The following AHI1 variants were observed in gnomAD, a reference collection of about 807,000 sequenced individuals.
AHI1 encodes the protein Abelson helper integration site 1.
AHI1 carries 123 observed loss-of-function variants against 149.3 expected under a neutral mutation model. The observed-to-expected ratio is 0.82, with a 90% CI of 0.71 to 0.96. The LOEUF is 0.96. Among genes scored for constraint, AHI1 ranks in the 40% least tolerant of loss-of-function variants. AHI1 has a pLI of 0.00. For synonymous variants in AHI1, 475 were observed against 459.8 expected, an observed-to-expected ratio of 1.03 and a Z score of -0.42; for missense variants, 1,439 against 1,422.7, an observed-to-expected ratio of 1.01 and a Z score of -0.18.
At chr6:135,389,421 T>C (rs1362016021) in intron 23 of AHI1, among the ~76,000 whole-genome samples, 1 of 152,218 alleles carries the variant, frequency 6.6e-6, no homozygotes, top group Non-Finnish European at 1.5e-5. Flanking sequence ...AATAATTTTA[T>C]GATCTTGTTT....
intron 22 of AHI1, among the ~76,000 whole-genome samples, chr6:135,397,637 T>A (rs1779406755): frequency 2.6e-5 from 4 of 152,056 alleles, no homozygotes; most frequent in African/African-American, 9.7e-5. Context: ...GGGGGTTAAT[T>A]TTCATGTTAA....
chr6:135,306,806 T>A (rs1233806379), intron 26 of AHI1: 1 of 152,200 alleles, frequency 6.6e-6, no homozygotes, highest in Admixed American at 6.5e-5. Flanking sequence ...GGCATCATAT[T>A]GCTAAATAAT....
At chr6:135,417,629 T>C (rs1782567242) in intron 20 of AHI1, among the ~76,000 whole-genome samples, 1 of 151,930 alleles carries the variant, frequency 6.6e-6, no homozygotes, top group Non-Finnish European at 1.5e-5. Flanking sequence ...ATACAAACAA[T>C]TATGAACACT....
At chr6:135,335,907 G>A (rs1320434346) in intron 24 of AHI1, among the ~76,000 whole-genome samples, 1 of 151,952 alleles carries the variant, frequency 6.6e-6, no homozygotes, top group Non-Finnish European at 1.5e-5. Context: ...GAGGTCAGGA[G>A]TTTGAGACCA....
intron 23 of AHI1, among the ~76,000 whole-genome samples, chr6:135,364,166 C>T (rs564501695): frequency 7.4e-4 from 112 of 152,064 alleles, no homozygotes; most frequent in Non-Finnish European, 1.4e-3. Flanking sequence ...GGGCTCCTCA[C>T]TTCTCAGACA....
intron 22 of AHI1, among the ~76,000 whole-genome samples, chr6:135,401,612 AGT>A (rs1780035056): frequency 6.6e-6 from 1 of 152,222 alleles, no homozygotes. Context: ...TTCAATAAGT[AGT>A]GCTGAGACAA....
chr6:135,299,436 T>C (rs1051148568), intron 27 of AHI1, among the ~76,000 whole-genome samples: 3 of 152,194 alleles, frequency 2.0e-5, no homozygotes, highest in Non-Finnish European at 2.9e-5. Context: ...TCTGTGTGCA[T>C]GTGTGAGTAA....
intron 14 of AHI1, among the ~76,000 whole-genome samples, chr6:135,440,188 C>T (rs1786059899): frequency 6.6e-6 from 1 of 152,086 alleles, no homozygotes; most frequent in South Asian, 2.1e-4. Flanking sequence ...AGACTTCTCA[C>T]TATTTGACAG....
intron 23 of AHI1, among the ~76,000 whole-genome samples, chr6:135,367,188 C>G (rs1384067249): frequency 6.6e-6 from 1 of 152,074 alleles, no homozygotes; most frequent in Non-Finnish European, 1.5e-5. Context: ...AAGATAGGAC[C>G]CCAATCCCTT....
chr6:135,394,686 A>C (rs889194763), intron 23 of AHI1, 90 bp downstream of exon 23: 12 of 1,522,306 alleles, frequency 7.9e-6, no homozygotes, highest in Non-Finnish European at 1.1e-5. Flanking sequence ...GACCATTATG[A>C]GCTTTATTTC....
chr6:135,439,851 G>A (rs1786006470), intron 14 of AHI1, among the ~76,000 whole-genome samples: 1 of 152,038 alleles, frequency 6.6e-6, no homozygotes, highest in Non-Finnish European at 1.5e-5. Context: ...TATACCCTAT[G>A]GAAAAAGAGG....
chr6:135,300,325 CAAA>C (rs557417336), intron 27 of AHI1, among the ~76,000 whole-genome samples, 172 bp downstream of exon 27: 10 of 65,912 alleles, frequency 1.5e-4, no homozygotes, highest in Admixed American at 1.6e-4. Flanking sequence ...ACTCTGTCTC[CAAA>C]AAAAAAAAAA....
At chr6:135,459,707 A>C (rs987395240) in intron 8 of AHI1, among the ~76,000 whole-genome samples, 3 of 150,228 alleles carry the variant, frequency 2.0e-5, no homozygotes, top group African/African-American at 7.3e-5. Flanking sequence ...CACATCCCTC[A>C]AAAACTACAG....
At chr6:135,372,193 C>T (rs1171749907) in intron 23 of AHI1, among the ~76,000 whole-genome samples, 1 of 152,120 alleles carries the variant, frequency 6.6e-6, no homozygotes, top group Non-Finnish European at 1.5e-5. Context: ...TTTGATTTTG[C>T]TACAACTCAG....
intron 5 of AHI1, among the ~76,000 whole-genome samples, chr6:135,483,613 CAATTTAT>C (rs1411434627): frequency 6.6e-6 from 1 of 152,172 alleles, no homozygotes; most frequent in Non-Finnish European, 1.5e-5. Context: ...TTACTCTTAA[CAATTTAT>C]ATTTATTTGT....
chr6:135,467,607 AGT>A lies in AHI1; in HGVS notation c.161_162del (p.His54LeufsTer8), dbSNP rs1562244279. 6.2e-7 allele frequency: 1 copy of A among 1,609,510 alleles called. No homozygotes were observed. The highest frequency in any genetic ancestry group is 1.3e-5 in the African/African-American group (1 of 74,954). Reference protein sequence around the residue: ...ISPDTIRSNLHYMKETTSDDP... With the variant: ...ISPDTIRSNLXYMKETTSDDP... ...TCATCACTTGTAGTTTCTTTCATAT[AGT>A]GAAGATTGCTTCTAATAGTGTCAGG... On this transcript the variant is annotated frameshift_variant, in exon 6 of 29. Transcript: ENST00000265602. LOFTEE classifies it high-confidence loss of function.
At chr6:135,480,184 G>A (rs772782034) in intron 5 of AHI1, among the ~76,000 whole-genome samples, 2 of 152,148 alleles carry the variant, frequency 1.3e-5, no homozygotes, top group Non-Finnish European at 2.9e-5. Flanking sequence ...ATTCAGCCAG[G>A]CGTGGTGGCT....
chr6:135,407,362 A>G (rs1441849644), intron 21 of AHI1, among the ~76,000 whole-genome samples: 3 of 152,226 alleles, frequency 2.0e-5, no homozygotes, highest in Non-Finnish European at 4.4e-5. Context: ...AATTCAGTCA[A>G]CCTAAATGTT....
intron 24 of AHI1, among the ~76,000 whole-genome samples, chr6:135,345,896 G>C (rs1253460764): frequency 6.6e-6 from 1 of 152,166 alleles, no homozygotes; most frequent in African/African-American, 2.4e-5. Context: ...GATGAAGAAA[G>C]AAACAGTGCA....
Sources: allele counts gnomAD v4.1 joint callset (sites outside exome capture counted in the v4.1 genomes callset), GRCh38; gene constraint gnomAD v4.1.1; transcripts MANE v1.5; gene names NCBI Gene and HGNC (gene_info 2026-07-23, HGNC 2026-07-21).